CHN1: variants seen among roughly 807,000 people sequenced by gnomAD.
CHN1 encodes the protein N-chimaerin.
A neutral mutation model predicts 59.5 loss-of-function variants in CHN1; 37 were observed. The observed-to-expected ratio is 0.62, with a 90% confidence interval of 0.48 to 0.82. The LOEUF (loss-of-function observed/expected upper bound fraction) is 0.82, where lower values mean the gene tolerates loss of function less well. CHN1 is among the 40% of genes least tolerant of loss of function. CHN1 has a pLI of 0.00. For missense variants in CHN1, 469 were observed against 571.0 expected (o/e 0.82, Z 1.82); for synonymous variants, 206 against 200.4 (o/e 1.03, Z -0.24).
At chr2:174,869,147 G>A (rs897807836) in intron 6 of CHN1, among the ~76,000 whole-genome samples, 3 of 152,126 alleles carry the variant, frequency 2.0e-5, no homozygotes, top group African/African-American at 7.2e-5. Context: ...CCTGCACCCA[G>A]GAATCCTCCC....
At position 174,935,313 on chromosome 2, in the gene CHN1, G is replaced by C. The variant is rs545054073; in HGVS notation, c.114+9575C>G. ...ATTTGACTTGAAACCTGAGGGCCTG[G>C]CAGATGGTAGCCCCTCCAAGAATGC... On this transcript the variant is annotated intron_variant, in intron 3 of 12. Coordinates refer to ENST00000409900, the MANE Select transcript of CHN1 (RefSeq NM_001822.7). Among the ~76,000 whole-genome samples the C allele has an allele frequency of 1.1e-4, 17 of 152,290 alleles. No homozygotes were observed. The East Asian group carries it at 3.3e-3, about 29-fold the overall frequency.
At chr2:174,969,201 C>T (rs1233441190) in intron 1 of CHN1, among the ~76,000 whole-genome samples, 1 of 152,122 alleles carries the variant, frequency 6.6e-6, no homozygotes, top group Non-Finnish European at 1.5e-5. Context: ...TCAGAATATG[C>T]CACTCTTCTG....
At chr2:174,874,872 C>CTTTT (rs11406785) in intron 6 of CHN1, among the ~76,000 whole-genome samples, 7 of 122,700 alleles carry the variant, frequency 5.7e-5, no homozygotes, top group Admixed American at 9.3e-5. Context: ...TTTATTTATT[C>CTTTT]TTTTTTTTTT....
intron 11 of CHN1, among the ~76,000 whole-genome samples, chr2:174,803,132 GA>G (rs1409020213): frequency 6.6e-6 from 1 of 152,144 alleles, no homozygotes; most frequent in Non-Finnish European, 1.5e-5. Context: ...GAAATGCTAG[GA>G]AGACTACATC....
chr2:174,963,857 T>A (rs1690504146), intron 1 of CHN1, among the ~76,000 whole-genome samples: 1 of 152,096 alleles, frequency 6.6e-6, no homozygotes, highest in South Asian at 2.1e-4. Flanking sequence ...AACTGAAAAT[T>A]GCAGGTGGCA....
intron 8 of CHN1, among the ~76,000 whole-genome samples, chr2:174,823,180 T>C (rs936721625): frequency 1.3e-5 from 2 of 152,230 alleles, no homozygotes; most frequent in African/African-American, 2.4e-5. Context: ...TAGCGATAAA[T>C]CTGACAGTTA....
chr2:174,952,929 AAAG>A (rs1482454066), intron 1 of CHN1, among the ~76,000 whole-genome samples: 1 of 152,216 alleles, frequency 6.6e-6, no homozygotes, highest in Non-Finnish European at 1.5e-5. Context: ...GTTATCAGAG[AAAG>A]AAGAAGGGGC....
At chr2:174,847,645 T>C (rs1233315146) in intron 6 of CHN1, 1 of 1,322,434 alleles carries the variant, frequency 7.6e-7, no homozygotes, top group Non-Finnish European at 1.0e-6. Flanking sequence ...CTGCATTAGA[T>C]TGGCCACCGT....
intron 5 of CHN1, among the ~76,000 whole-genome samples, chr2:174,885,928 T>C (rs1687880909): frequency 6.6e-6 from 1 of 152,240 alleles, no homozygotes; most frequent in South Asian, 2.1e-4. Context: ...ATTCCAATCA[T>C]TTAAAAACTA....
At chr2:174,957,966 G>A (rs912465002) in intron 1 of CHN1, among the ~76,000 whole-genome samples, 7 of 152,140 alleles carry the variant, frequency 4.6e-5, no homozygotes, top group Admixed American at 4.6e-4. Flanking sequence ...CCGAGGCCGG[G>A]AGAGCTTCTC....
At chr2:174,905,305 C>G (rs770389092) in intron 5 of CHN1, among the ~76,000 whole-genome samples, 9 of 152,150 alleles carry the variant, frequency 5.9e-5, no homozygotes, top group Non-Finnish European at 1.0e-4. Context: ...ACTAGAGAGA[C>G]AGTCATCCTC....
chr2:174,811,021 TC>T (rs1685054722), intron 10 of CHN1: 1 of 152,186 alleles, frequency 6.6e-6, no homozygotes, highest in African/African-American at 2.4e-5. Flanking sequence ...GGCTGATGGG[TC>T]CCCCACAGAA....
intron 8 of CHN1, among the ~76,000 whole-genome samples, chr2:174,820,794 C>G (rs773953282): frequency 6.6e-6 from 1 of 152,176 alleles, no homozygotes; most frequent in Non-Finnish European, 1.5e-5. Flanking sequence ...GCAACTTTGC[C>G]AGCCTGGTGG....
intron 3 of CHN1, among the ~76,000 whole-genome samples, chr2:174,922,388 T>C (rs548007673): frequency 6.6e-6 from 1 of 152,260 alleles, no homozygotes; most frequent in African/African-American, 2.4e-5. Flanking sequence ...GCACTGTTCA[T>C]AGTCATTTTT....
At chr2:174,892,395 C>T (rs1252014875) in intron 5 of CHN1, among the ~76,000 whole-genome samples, 1 of 152,168 alleles carries the variant, frequency 6.6e-6, no homozygotes, top group African/African-American at 2.4e-5. Flanking sequence ...CCTTCTGTTC[C>T]TTTCACAATG....
At chr2:174,916,831 T>C (rs1246678363) in intron 4 of CHN1, among the ~76,000 whole-genome samples, 1 of 152,278 alleles carries the variant, frequency 6.6e-6, no homozygotes, top group Non-Finnish European at 1.5e-5. Context: ...CACGTTGGTA[T>C]ATATTTTAAC....
chr2:174,982,461 TG>T (rs1185775067), intron 1 of CHN1, among the ~76,000 whole-genome samples: 1 of 152,196 alleles, frequency 6.6e-6, no homozygotes, highest in Non-Finnish European at 1.5e-5. Flanking sequence ...CAGCGCCTGT[TG>T]TTTCCTGACT....
chr2:174,988,220 G>A (rs1691415824), intron 1 of CHN1, among the ~76,000 whole-genome samples: 1 of 151,890 alleles, frequency 6.6e-6, no homozygotes, highest in Non-Finnish European at 1.5e-5. Context: ...AGCCGGGCAT[G>A]GTGGTGCGCG....
intron 3 of CHN1, among the ~76,000 whole-genome samples, chr2:174,938,812 C>A (rs1170679463): frequency 1.3e-5 from 2 of 151,716 alleles, no homozygotes; most frequent in Admixed American, 1.3e-4. Flanking sequence ...TCCTTGCCCA[C>A]CAATTTAGTC....
Sources: allele counts gnomAD v4.1 joint callset (sites outside exome capture counted in the v4.1 genomes callset), GRCh38; gene constraint gnomAD v4.1.1; transcripts MANE v1.5; gene names NCBI Gene and HGNC (gene_info 2026-07-23, HGNC 2026-07-21).